The following LRRTM4 variants were observed in gnomAD, a reference collection of about 807,000 sequenced individuals.
LRRTM4 encodes leucine-rich repeat transmembrane neuronal protein 4.
Under a neutral mutation model 47.6 loss-of-function variants are expected in LRRTM4, and 25 were observed. The ratio of observed to expected loss-of-function variants is 0.53; its 90% CI spans 0.38 to 0.73. The LOEUF (loss-of-function observed/expected upper bound fraction) is 0.73, where lower values mean the gene tolerates loss of function less well. Among genes scored for constraint, LRRTM4 ranks in the 30% least tolerant of loss-of-function variants. The pLI is 0.00. For missense variants in LRRTM4, 638 were observed against 713.4 expected (o/e 0.89, Z 1.20); for synonymous variants, 311 against 269.5 (o/e 1.15, Z -1.51).
chr2:77,236,739 T>C (rs373177956), intron 3 of LRRTM4, among the ~76,000 whole-genome samples: 1 of 152,164 alleles, frequency 6.6e-6, no homozygotes, highest in African/African-American at 2.4e-5. Context: ...GAAGTGATAC[T>C]GGATTTTATT....
chr2:76,926,889 T>TAAAA (rs1674605190), intron 3 of LRRTM4, among the ~76,000 whole-genome samples: 1 of 152,132 alleles, frequency 6.6e-6, no homozygotes. Context: ...TAAAGTTCCC[T>TAAAA]AAAACCTATC....
chr2:77,054,433 T>C (rs571420404), intron 3 of LRRTM4, among the ~76,000 whole-genome samples: 1 of 152,174 alleles, frequency 6.6e-6, no homozygotes, highest in African/African-American at 2.4e-5. Context: ...CAAATACTTC[T>C]CCACAATAAA....
chr2:77,056,529 A>G (rs957376880), intron 3 of LRRTM4, among the ~76,000 whole-genome samples: 1 of 152,140 alleles, frequency 6.6e-6, no homozygotes, highest in Admixed American at 6.6e-5. Context: ...TAAAATCAAT[A>G]AAAGGATAAA....
chr2:77,374,158 C>T (rs576554397), intron 3 of LRRTM4, among the ~76,000 whole-genome samples: 7 of 151,288 alleles, frequency 4.6e-5, no homozygotes, highest in African/African-American at 1.7e-4. Flanking sequence ...TAGGAAGATG[C>T]GAAGATGTGA....
At chr2:77,460,977 T>G (rs1676765405) in intron 3 of LRRTM4, among the ~76,000 whole-genome samples, 2 of 152,090 alleles carry the variant, frequency 1.3e-5, no homozygotes, top group South Asian at 2.1e-4. Flanking sequence ...GACTACATTT[T>G]AAAGACCTTG....
intron 3 of LRRTM4, among the ~76,000 whole-genome samples, chr2:77,240,889 T>A (rs192728855): frequency 6.6e-6 from 1 of 152,000 alleles, no homozygotes; most frequent in Non-Finnish European, 1.5e-5. Flanking sequence ...TAAAAAACAA[T>A]AATGAAAAGT....
At chr2:76,974,030 C>T (rs1038208698) in intron 3 of LRRTM4, among the ~76,000 whole-genome samples, 1 of 151,236 alleles carries the variant, frequency 6.6e-6, no homozygotes, top group Non-Finnish European at 1.5e-5. Flanking sequence ...GAACATGGCA[C>T]TTAAGAGGAT....
intron 3 of LRRTM4, among the ~76,000 whole-genome samples, chr2:76,973,408 T>A (rs1189140722): frequency 6.6e-6 from 1 of 152,024 alleles, no homozygotes; most frequent in Non-Finnish European, 1.5e-5. Flanking sequence ...TTCTCAGAAA[T>A]GTCAGCTATC....
intron 3 of LRRTM4, among the ~76,000 whole-genome samples, chr2:77,199,716 C>T (rs1673922901): frequency 6.6e-6 from 1 of 152,024 alleles, no homozygotes; most frequent in Non-Finnish European, 1.5e-5. Flanking sequence ...TCTATGCTGT[C>T]ATGTTAGTAC....
chr2:77,432,947 G>C (rs1422938547), intron 3 of LRRTM4, among the ~76,000 whole-genome samples: 1 of 152,166 alleles, frequency 6.6e-6, no homozygotes, highest in African/African-American at 2.4e-5. Context: ...TCTCCAAACT[G>C]TCTCTTTGTT....
intron 3 of LRRTM4, among the ~76,000 whole-genome samples, chr2:77,236,616 T>A: frequency 6.6e-6 from 1 of 152,096 alleles, no homozygotes. Flanking sequence ...TCAAGGGGAA[T>A]GCTTCCATGT....
At chr2:76,779,144 GTTC>G (rs1674201872) in intron 3 of LRRTM4, among the ~76,000 whole-genome samples, 1 of 151,842 alleles carries the variant, frequency 6.6e-6, no homozygotes, top group Non-Finnish European at 1.5e-5. Context: ...TATAATTTCT[GTTC>G]TTTTACATTT....
chr2:77,436,043 T>C (rs1295963241), intron 3 of LRRTM4, among the ~76,000 whole-genome samples: 1 of 152,176 alleles, frequency 6.6e-6, no homozygotes, highest in Admixed American at 6.5e-5. Context: ...TGACTCTCCA[T>C]TTATGTAGAA....
At chr2:77,127,809 A>G (rs561945885) in intron 3 of LRRTM4, among the ~76,000 whole-genome samples, 3 of 152,338 alleles carry the variant, frequency 2.0e-5, no homozygotes, top group African/African-American at 7.2e-5. Context: ...CTCGAATCAC[A>G]TAGCTAAATA....
chr2:77,252,523 C>G (rs1292282755), intron 3 of LRRTM4, among the ~76,000 whole-genome samples: 4 of 145,530 alleles, frequency 2.7e-5, no homozygotes, highest in South Asian at 4.4e-4. Context: ...ATTTTAGGGC[C>G]TCTGAATCAG....
At chr2:77,183,301 A>T (rs1004289859) in intron 3 of LRRTM4, among the ~76,000 whole-genome samples, 7 of 152,196 alleles carry the variant, frequency 4.6e-5, no homozygotes, top group African/African-American at 1.7e-4. Context: ...AAAATAAGAC[A>T]TTTATGCAGC....
intron 3 of LRRTM4, among the ~76,000 whole-genome samples, chr2:77,040,733 T>C (rs139454406): frequency 2.0e-5 from 3 of 151,654 alleles, no homozygotes; most frequent in Non-Finnish European, 4.4e-5. Flanking sequence ...AGTCCACTAA[T>C]GTTTATAGCT....
chr2:77,220,655 A>G (rs1674593013), intron 3 of LRRTM4, among the ~76,000 whole-genome samples: 1 of 152,216 alleles, frequency 6.6e-6, no homozygotes, highest in South Asian at 2.1e-4. Flanking sequence ...AGTTTAGAGA[A>G]AAAAGAATAA....
At chr2:77,413,283 C>A (rs1161135485) in intron 3 of LRRTM4, among the ~76,000 whole-genome samples, 2 of 152,262 alleles carry the variant, frequency 1.3e-5, no homozygotes, top group Non-Finnish European at 2.9e-5. Flanking sequence ...GCTTTAGTTG[C>A]TGCGAAGGCT....
Sources: gnomAD v4.1 joint callset for allele counts (sites outside exome capture counted in the v4.1 genomes callset) on GRCh38, gnomAD v4.1.1 for gene constraint, MANE v1.5 for transcripts, NCBI Gene and HGNC (gene_info 2026-07-23, HGNC 2026-07-21) for gene names.